Variants in ARHGAP29 observed in about 807,000 individuals in gnomAD.
ARHGAP29 encodes Rho GTPase activating protein 29, also known as rho GTPase-activating protein 29.
Under a neutral mutation model 122.6 loss-of-function variants are expected in ARHGAP29, and 43 were observed. The observed-to-expected ratio is 0.35, with a 90% CI of 0.27 to 0.45. ARHGAP29 has a LOEUF of 0.45. Among genes scored for constraint, ARHGAP29 ranks in the 20% least tolerant of loss-of-function variants. The pLI is 1.00. For missense variants in ARHGAP29, 1,303 were observed against 1,477.2 expected (o/e 0.88, Z 1.93); for synonymous variants, 506 against 497.1 (o/e 1.02, Z -0.24).
At chr1:94,184,379 T>C in intron 18 of ARHGAP29, 91 bp from the exon 19 acceptor site, 1 of 881,644 alleles carries the variant, frequency 1.1e-6, no homozygotes. Context: ...TTTCAATCTT[T>C]TCACTCTATT....
chr1:94,297,373 AAGC>A, the ARHGAP29 span, among the ~76,000 whole-genome samples: 18 of 152,352 alleles, frequency 1.2e-4, no homozygotes, highest in African/African-American at 3.8e-4. Flanking sequence ...GAGCGTTAAA[AAGC>A]AGCATTCTAG....
At chr1:94,182,908 C>T (rs1352683262) in intron 19 of ARHGAP29, among the ~76,000 whole-genome samples, 3 of 151,970 alleles carry the variant, frequency 2.0e-5, no homozygotes, top group Admixed American at 6.6e-5. Context: ...AAAGAGATAC[C>T]CCAGGATGGC....
At chr1:94,280,214 A>G in the ARHGAP29 span, among the ~76,000 whole-genome samples, 1 of 152,246 alleles carries the variant, frequency 6.6e-6, no homozygotes, top group South Asian at 2.1e-4. Context: ...GATTAACAAG[A>G]GGACACAAGT....
rs142881438 is a variant in ARHGAP29 at position 94,188,874 on chromosome 1, G to A, written c.1644C>T (p.Ser548=). ...FSDSESTGGS[S]ESRSLDSESI... is the part of the protein sequence containing the mutation. ...ATTCTGAATCCAGAGATCTAGATTC[G>A]CTGCTCCCTCCAGTGCTCTCAGAAT... Residue 548 remains serine (S), a synonymous_variant, in exon 15 of 23, where the codon AGC becomes AGT. Coordinates refer to ENST00000260526, the MANE Select transcript of ARHGAP29 (RefSeq NM_004815.4). 20 of 1,612,942 alleles carry A rather than the reference G, an allele frequency of 1.2e-5. No individual in the cohort carries two copies. Among genetic ancestry groups the A allele is most frequent in the African/African-American group, 1.2e-4 (9 of 74,952 alleles).
the ARHGAP29 span, among the ~76,000 whole-genome samples, chr1:94,307,757 C>G: frequency 6.6e-6 from 1 of 152,100 alleles, no homozygotes; most frequent in African/African-American, 2.4e-5. Context: ...GTCTACTACT[C>G]ATCAATTTTA....
At chr1:94,247,733 C>A in intron 1 of ARHGAP29, 2 of 744,258 alleles carry the variant, frequency 2.7e-6, no homozygotes, top group Non-Finnish European at 3.3e-6. Flanking sequence ...ACAGCGGCCG[C>A]CGCCTTTGCA....
the ARHGAP29 span, among the ~76,000 whole-genome samples, chr1:94,287,541 A>C: frequency 1.3e-5 from 2 of 152,016 alleles, no homozygotes; most frequent in Admixed American, 1.3e-4. Context: ...TCTAGGATAC[A>C]TGTGCACAAC....
chr1:94,296,059 G>T, the ARHGAP29 span, among the ~76,000 whole-genome samples: 1 of 152,108 alleles, frequency 6.6e-6, no homozygotes, highest in Non-Finnish European at 1.5e-5. Context: ...CTTATCCATG[G>T]TTTCTCTTTC....
chr1:94,303,370 T>C, the ARHGAP29 span, among the ~76,000 whole-genome samples: 1 of 152,138 alleles, frequency 6.6e-6, no homozygotes, highest in Admixed American at 6.5e-5. Context: ...GTGAACTTCA[T>C]AGAGACAGAA....
intron 7 of ARHGAP29, 125 bp downstream of exon 7, chr1:94,204,936 T>C (rs1651098016): frequency 2.1e-6 from 2 of 950,040 alleles, no homozygotes; most frequent in Non-Finnish European, 2.9e-6. Context: ...TTCTGGATAA[T>C]GGTTTTATTC....
chr1:94,188,691 G>C, intron 15 of ARHGAP29, 146 bp downstream of exon 15: 1 of 665,164 alleles, frequency 1.5e-6, no homozygotes, highest in Non-Finnish European at 2.5e-6. Flanking sequence ...ATATATGAGG[G>C]GTTTTTAAAA....
intron 20 of ARHGAP29, 107 bp downstream of exon 20, chr1:94,179,618 A>T: frequency 5.9e-6 from 3 of 511,394 alleles, no homozygotes; most frequent in Non-Finnish European, 9.4e-6. Flanking sequence ...AAAAAAAAAA[A>T]GAATGGCTAA....
rs1342477863 is a variant in ARHGAP29 at position 94,172,719 on chromosome 1, ATATCC to A, written c.*1145_*1149del. 3.9e-5 allele frequency: 6 copies of A among 152,230 alleles called. No individual in the cohort carries two copies. Among genetic ancestry groups the A allele is most frequent in the Non-Finnish European group, 8.8e-5 (6 of 67,928 alleles). The allele number at this position is 152,230 out of a possible 1,614,324, so 9.4% of individuals were successfully genotyped here. A position where few individuals can be genotyped will look rare whatever the true frequency, so the allele number is the denominator to read the frequency against. On this transcript the variant is annotated 3_prime_UTR_variant, in exon 23 of 23. Coordinates refer to ENST00000260526, the MANE Select transcript of ARHGAP29 (RefSeq NM_004815.4). ...AGTCTACTTATTTTTTGTCCCTTTT[ATATCC>A]TATTTTAGGCAAAATGATAAAACCC...
At chr1:94,241,721 A>G, upstream of ARHGAP29, among the ~76,000 whole-genome samples, 1 of 8,790 alleles carries the variant, frequency 1.1e-4, no homozygotes, top group Admixed American at 3.3e-3. Context: ...TATAATTTAT[A>G]TATAATATAT....
In ARHGAP29 at chr1:94,201,450, T is replaced by C. The variant is rs537909876; in HGVS notation, c.1281+270A>G. 2.1e-4 allele frequency among the ~76,000 whole-genome samples: 32 copies of C among 151,414 alleles called. 1 individual carries two copies. Among genetic ancestry groups the C allele is most frequent in the Non-Finnish European group, 4.0e-4 (27 of 67,840 alleles). Reference sequence around the variant, plus strand: ...GATAGAGACTTCTCTTTCTTTTCCCTCCCTCCCTTCCTTCCTCCCTCCCTT... The same window carrying C: ...GATAGAGACTTCTCTTTCTTTTCCCCCCCTCCCTTCCTTCCTCCCTCCCTT... On this transcript the variant is annotated intron_variant, in intron 12 of 22. Coordinates refer to ENST00000260526, the MANE Select transcript of ARHGAP29 (RefSeq NM_004815.4).
chr1:94,251,272 G>C (rs994865793), intron 1 of ARHGAP29, among the ~76,000 whole-genome samples: 1 of 150,810 alleles, frequency 6.6e-6, no homozygotes, highest in Non-Finnish European at 1.5e-5. Flanking sequence ...CCGGGTTCAC[G>C]CCATTCTCCT....
chr1:94,239,588 AAAG>A (rs1350677335), upstream of ARHGAP29, among the ~76,000 whole-genome samples: 1 of 152,064 alleles, frequency 6.6e-6, no homozygotes, highest in Non-Finnish European at 1.5e-5. Context: ...GACAAGAGGG[AAAG>A]AAGAAAGAAA....
intron 1 of ARHGAP29, among the ~76,000 whole-genome samples, chr1:94,244,223 C>CA (rs929991247): frequency 5.8e-5 from 8 of 138,198 alleles, no homozygotes; most frequent in Non-Finnish European, 9.8e-5. Flanking sequence ...AAACCACACA[C>CA]AAAAAAAACA....
At position 94,189,371 on chromosome 1, in the gene ARHGAP29, C is replaced by A. The variant is rs376110305; in HGVS notation, c.1440-19G>T. ...TACATTTCTGAAACAACAACAATGA[C>A]AAAAAACAAAACTCAACACTCCAAA... On this transcript the variant is annotated intron_variant, in intron 13 of 22. Coordinates refer to ENST00000260526, the MANE Select transcript of ARHGAP29 (RefSeq NM_004815.4). 3 of 1,591,238 alleles carry A rather than the reference C, an allele frequency of 1.9e-6. No homozygotes were observed. Among genetic ancestry groups the A allele is most frequent in the Admixed American group, 3.6e-5 (2 of 55,456 alleles).
Sources: allele counts gnomAD v4.1 joint callset (sites outside exome capture counted in the v4.1 genomes callset), GRCh38; gene constraint gnomAD v4.1.1; transcripts MANE v1.5; gene names NCBI Gene and HGNC (gene_info 2026-07-23, HGNC 2026-07-21).